ACADS: variants seen among roughly 807,000 people sequenced by gnomAD.
ACADS encodes acyl-CoA dehydrogenase short chain.
A neutral mutation model predicts 46.8 loss-of-function variants in ACADS; 28 were observed. The observed-to-expected ratio is 0.60, with a 90% confidence interval of 0.44 to 0.82. ACADS has a LOEUF of 0.82. ACADS is among the 40% of genes least tolerant of loss of function. The probability of loss-of-function intolerance (pLI) is 0.00; values close to 1 mark genes in which losing one functional copy is unlikely to be tolerated. For synonymous variants in ACADS, 236 were observed against 237.7 expected, an observed-to-expected ratio of 0.99 and a Z score of 0.07; for missense variants, 528 against 578.0, an observed-to-expected ratio of 0.91 and a Z score of 0.89.
chr12:120,732,156 C>G (rs1883266490), intron 2 of ACADS, among the ~76,000 whole-genome samples: 1 of 152,264 alleles, frequency 6.6e-6, no homozygotes, highest in Admixed American at 6.5e-5. Flanking sequence ...TTGGGTACAC[C>G]TCCCAGACGG....
In ACADS at chr12:120,738,935, A is replaced by G; in HGVS notation, c.1029+20A>G. 2 of 1,612,866 alleles carry G rather than the reference A, an allele frequency of 1.2e-6. No homozygotes were observed. ...ATCAAGGTGCCCACAGGGGTCCCCG[A>G]GCCATGGCCCAGAATGTGGTGGGCC... On this transcript the variant is annotated intron_variant, in intron 8 of 9. Coordinates refer to ENST00000242592, the MANE Select transcript of ACADS (RefSeq NM_000017.4).
At position 120,737,917 on chromosome 12, in the gene ACADS, T is replaced by A; in HGVS notation, c.553T>A (p.Trp185Arg). 6.2e-7 allele frequency: 1 copy of A among 1,614,132 alleles called. No individual in the cohort carries two copies. The highest frequency in any genetic ancestry group is 1.1e-5 in the South Asian group (1 of 91,090). The change falls in exon 5 of 10, where the codon TGG (tryptophan) becomes AGG (arginine). Residue 185 changes from tryptophan to arginine, a missense_variant. Transcript: ENST00000242592. ...ATGGGTTCTGAATGGAACCAAAGCC[T>A]GGATCACCAATGCCTGGGAGGCTTC... ...DSWVLNGTKA[W>R]ITNAWEASAA...
chr12:120,729,406 C>T (rs958521168), intron 2 of ACADS, among the ~76,000 whole-genome samples: 16 of 151,666 alleles, frequency 1.1e-4, no homozygotes, highest in Admixed American at 2.0e-4. Flanking sequence ...TACAGGTGCC[C>T]GCCACCATGC....
At position 120,738,595 on chromosome 12, in the gene ACADS, C is replaced by T. The variant is rs1278330661; in HGVS notation, c.858C>T (p.Ala286=). 1 of 1,613,202 alleles carries T rather than the reference C, an allele frequency of 6.2e-7. No individual in the cohort carries two copies. The highest frequency in any genetic ancestry group is 8.5e-7 in the Non-Finnish European group (1 of 1,180,022). Residue 286 remains alanine (A), a synonymous_variant, in exon 7 of 10, where the codon GCC becomes GCT. Transcript: ENST00000242592. ...ASQALGIAQT[A]LDCAVNYAEN... is the part of the protein sequence containing the mutation. ...AGGCCCTGGGCATTGCCCAGACCGC[C>T]CTCGATTGTGCTGTGAACTACGCTG...
intron 2 of ACADS, among the ~76,000 whole-genome samples, chr12:120,730,434 C>T (rs535506692): frequency 7.9e-4 from 121 of 152,212 alleles, no homozygotes; most frequent in African/African-American, 2.8e-3. Context: ...TGAGAAGTGT[C>T]GCATTAGTCA....
intron 5 of ACADS, 72 bp from the exon 6 acceptor site, chr12:120,738,208 G>T (rs1444223743): frequency 1.2e-6 from 2 of 1,610,990 alleles, no homozygotes; most frequent in Non-Finnish European, 1.7e-6. Flanking sequence ...GGACCGGGTT[G>T]GTGTTGGGTG....
At chr12:120,730,353 G>C (rs963957731) in intron 2 of ACADS, among the ~76,000 whole-genome samples, 1 of 152,182 alleles carries the variant, frequency 6.6e-6, no homozygotes, top group Non-Finnish European at 1.5e-5. Context: ...AATTGAGGGC[G>C]ATGGTATATG....
At position 120,738,312 on chromosome 12, in the gene ACADS, G is replaced by A. The variant is rs765083336; in HGVS notation, c.657G>A (p.Thr219=). 47 of 1,614,062 alleles carry A rather than the reference G, an allele frequency of 2.9e-5. No individual in the cohort carries two copies. The highest frequency in any genetic ancestry group is 3.8e-5 in the Non-Finnish European group (45 of 1,180,044). ...GISAFLVPMP[T]PGLTLGKKED... is the part of the protein sequence containing the mutation. ...GTGCCTTCCTGGTCCCCATGCCAAC[G>A]CCTGGGCTCACGTTGGGGAAGAAAG... Residue 219 remains threonine (T), a synonymous_variant, in exon 6 of 10, where the codon ACG becomes ACA. Coordinates refer to ENST00000242592, the MANE Select transcript of ACADS (RefSeq NM_000017.4).
chr12:120,727,277 C>T, intron 2 of ACADS, 88 bp downstream of exon 2: 6 of 1,565,722 alleles, frequency 3.8e-6, no homozygotes, highest in South Asian at 1.1e-5. Context: ...GGCACTCGGA[C>T]TCTGGTAGAG....
At chr12:120,726,123 G>T (rs977531499) in intron 1 of ACADS, among the ~76,000 whole-genome samples, 192 bp downstream of exon 1, 3 of 150,870 alleles carry the variant, frequency 2.0e-5, no homozygotes, top group African/African-American at 7.3e-5. Flanking sequence ...CCTGGTTCCT[G>T]CACAGACCCC....
Position 120,739,000 on chromosome 12 carries a change from G to A in ACADS, c.1029+85G>A. The A allele has an allele frequency of 4.4e-6, 7 of 1,592,388 alleles. 1 individual carries two copies. Among genetic ancestry groups the A allele is most frequent in the African/African-American group, 4.0e-5 (3 of 74,336 alleles). ...GGTTGGGGCGGGTCTCTGCTCCTTG[G>A]CCCCGTGGGTCAGAGGTGTGGGCCT... On this transcript the variant is annotated intron_variant, in intron 8 of 9. Coordinates refer to ENST00000242592, the MANE Select transcript of ACADS (RefSeq NM_000017.4).
chr12:120,738,224 G>A (rs1883521917), intron 5 of ACADS, 56 bp from the exon 6 acceptor site: 2 of 1,613,084 alleles, frequency 1.2e-6, no homozygotes, highest in African/African-American at 2.7e-5. Context: ...GGGTGTGCTG[G>A]TGTGAGGGTG....
intron 2 of ACADS, among the ~76,000 whole-genome samples, chr12:120,736,483 G>A (rs1201378719): frequency 6.6e-6 from 1 of 152,230 alleles, no homozygotes; most frequent in Non-Finnish European, 1.5e-5. Context: ...GAGAGGGACT[G>A]AAGGATTTGA....
At position 120,737,442 on chromosome 12, in the gene ACADS, T is replaced by C; in HGVS notation, c.447T>C (p.Ile149=). Residue 149 remains isoleucine (I), a synonymous_variant, in exon 4 of 10, where the codon ATT becomes ATC. Transcript: ENST00000242592. ...WVTPFTSGDK[I]GCFALSEPGN... is the part of the protein sequence containing the mutation. ...CGCCTTTCACCAGTGGTGACAAAAT[T>C]GGCTGCTTTGCCCTCAGCGAACCAG... 1 of 1,614,144 alleles carries C rather than the reference T, an allele frequency of 6.2e-7. No homozygotes were observed. The highest frequency in any genetic ancestry group is 8.5e-7 in the Non-Finnish European group (1 of 1,180,016).
chr12:120,727,377 G>A (rs1238822451), intron 2 of ACADS, among the ~76,000 whole-genome samples, 188 bp downstream of exon 2: 1 of 152,186 alleles, frequency 6.6e-6, no homozygotes, highest in East Asian at 1.9e-4. Context: ...TAACTTCTGG[G>A]ACAACAGTAA....
intron 2 of ACADS, 144 bp from the exon 3 acceptor site, chr12:120,736,842 C>A: frequency 9.5e-7 from 1 of 1,057,544 alleles, no homozygotes; most frequent in Admixed American, 2.6e-5. Context: ...AGCTTCTGGA[C>A]TTGGGGATCC....
At chr12:120,738,091 G>T (rs534299870) in intron 5 of ACADS, 103 bp downstream of exon 5, 5 of 1,583,662 alleles carry the variant, frequency 3.2e-6, no homozygotes, top group Non-Finnish European at 4.3e-6. Flanking sequence ...TTTGCTCTGG[G>T]GCAAGTGGGC....
At chr12:120,727,605 C>T (rs1234354283) in intron 2 of ACADS, among the ~76,000 whole-genome samples, 2 of 152,198 alleles carry the variant, frequency 1.3e-5, no homozygotes, top group African/African-American at 2.4e-5. Flanking sequence ...GGTGCGACCT[C>T]GCCTCACTGC....
At position 120,739,479 on chromosome 12, in the gene ACADS, A is replaced by G; in HGVS notation, c.*31A>G. 6.3e-7 allele frequency: 1 copy of G among 1,594,662 alleles called. No homozygotes were observed. The highest frequency in any genetic ancestry group is 1.3e-5 in the African/African-American group (1 of 74,810). On this transcript the variant is annotated 3_prime_UTR_variant, in exon 10 of 10. Transcript: ENST00000242592. ...CGGCGGACTGCCCCAGGACTGCGGG[A>G]AGGCGCGGGAGCCAGGGGCCTCCAC...
Sources: gnomAD v4.1 joint callset for allele counts (sites outside exome capture counted in the v4.1 genomes callset) on GRCh38, gnomAD v4.1.1 for gene constraint, MANE v1.5 for transcripts, NCBI Gene and HGNC (gene_info 2026-07-23, HGNC 2026-07-21) for gene names.